The following TNRC18 variants were observed in gnomAD, a reference collection of about 807,000 sequenced individuals.
TNRC18 encodes the protein trinucleotide repeat containing 18.
Under a neutral mutation model 226.7 loss-of-function variants are expected in TNRC18, and 69 were observed. That is an observed-to-expected ratio of 0.30 (90% CI 0.25 to 0.37). TNRC18 has a LOEUF of 0.37. Ranked by LOEUF, TNRC18 falls within the 10% of genes least tolerant of loss-of-function variation. TNRC18 has a pLI of 1.00. For synonymous variants in TNRC18, 2,449 were observed against 1,927.6 expected (o/e 1.27, Z -7.09); for missense variants, 4,754 against 4,256.6 (o/e 1.12, Z -3.25).
chr7:5,389,309 G>C lies in TNRC18; in HGVS notation c.515C>G (p.Ala172Gly). The change falls in exon 5 of 30, where the codon GCT becomes GGT. Residue 172 changes from alanine (A) to glycine (G), a missense_variant. By Grantham distance (60) the Ala-to-Gly change is moderately conservative. Coordinates refer to ENST00000430969, the MANE Select transcript of TNRC18 (RefSeq NM_001080495.3). ...CGCGTGAGAGTGCAGGGAGCCCGGA[G>C]CCCCCGCGGTGGGCAGGTAGAAACC... is the stretch of plus-strand genomic sequence containing the variant. ...GDGFYLPTAG[A>G]PGSLHSHAPS... The C allele has an allele frequency of 7.8e-7, 1 of 1,282,246 alleles. No homozygotes were observed. Among genetic ancestry groups the C allele is most frequent in the South Asian group, 2.7e-5 (1 of 37,628 alleles). The allele number at this position is 1,282,246 out of a possible 1,614,324, so 79.4% of individuals were successfully genotyped here.
At chr7:5,352,819 A>C (rs1791965056) in intron 16 of TNRC18, among the ~76,000 whole-genome samples, 1 of 152,232 alleles carries the variant, frequency 6.6e-6, no homozygotes, top group African/African-American at 2.4e-5. Context: ...CGCCATGCTC[A>C]CGCCATTTTG....
intron 18 of TNRC18, among the ~76,000 whole-genome samples, chr7:5,337,809 C>A (rs1323913260): frequency 6.6e-6 from 1 of 151,900 alleles, no homozygotes; most frequent in Non-Finnish European, 1.5e-5. Context: ...ATGGTGAAAC[C>A]CCATCTCTAC....
chr7:5,394,601 G>T lies in TNRC18; in HGVS notation c.188-6C>A. On this transcript the variant is annotated splice_polypyrimidine_tract_variant and splice_region_variant and intron_variant, in intron 2 of 29. Coordinates refer to ENST00000430969, the MANE Select transcript of TNRC18 (RefSeq NM_001080495.3). This position sits in a 1 kb window ranked among gnomAD's most constrained non-coding sequence, Gnocchi z 4.5. ...GCTGCCCAAGAAGGCCTCGCCTGCA[G>T]AGAGAAGTTGGGAGGACCGTCAGGC... The T allele has an allele frequency of 1.3e-6, 2 of 1,542,736 alleles. No individual in the cohort carries two copies. Among genetic ancestry groups the T allele is most frequent in the Non-Finnish European group, 1.7e-6 (2 of 1,144,670 alleles).
At chr7:5,407,093 C>CA (rs1269635566) in intron 2 of TNRC18, 1 of 152,236 alleles carries the variant, frequency 6.6e-6, no homozygotes, top group African/African-American at 2.4e-5. Context: ...ACGTCTGGGG[C>CA]ACCCCCACAC....
intron 2 of TNRC18, among the ~76,000 whole-genome samples, chr7:5,413,679 C>T (rs929954587): frequency 6.6e-6 from 1 of 151,914 alleles, no homozygotes; most frequent in Non-Finnish European, 1.5e-5. Flanking sequence ...TACAGGCATT[C>T]GCCACCATGC....
chr7:5,353,259 G>A (rs1018230403), intron 16 of TNRC18, among the ~76,000 whole-genome samples: 25 of 152,304 alleles, frequency 1.6e-4, no homozygotes, highest in Admixed American at 9.8e-4. Flanking sequence ...CAGGGAGGTC[G>A]GGTGCAATGG....
At position 5,394,642 on chromosome 7, in the gene TNRC18, C is replaced by G. The variant is rs943151715; in HGVS notation, c.188-47G>C. 3 of 1,470,800 alleles carry G rather than the reference C, an allele frequency of 2.0e-6. No homozygotes were observed. The highest frequency in any genetic ancestry group is 2.8e-6 in the Non-Finnish European group (3 of 1,090,828). 91.1% of individuals were successfully genotyped at this position (1,470,800 alleles called of 1,614,324 possible). A position where few individuals can be genotyped will look rare whatever the true frequency, so the allele number is the denominator to read the frequency against. ...ACCGTCAGGCAGACAACCAGGGAGGCGCCGCCGCCCCAGCCCACCGCCCCG... is the reference window on the plus strand; with the variant it reads ...ACCGTCAGGCAGACAACCAGGGAGGGGCCGCCGCCCCAGCCCACCGCCCCG... On this transcript the variant is annotated intron_variant, in intron 2 of 29. Coordinates refer to ENST00000430969, the MANE Select transcript of TNRC18 (RefSeq NM_001080495.3). The surrounding 1 kb of genome is among the most constrained non-coding windows in gnomAD (Gnocchi z 4.5).
chr7:5,392,945 G>A (rs1780406183), intron 3 of TNRC18, among the ~76,000 whole-genome samples: 1 of 152,124 alleles, frequency 6.6e-6, no homozygotes, highest in South Asian at 2.1e-4. Context: ...CTGGGAGGCG[G>A]AGGTTGCAGT....
intron 5 of TNRC18, among the ~76,000 whole-genome samples, chr7:5,380,246 G>C (rs764900152): frequency 2.0e-5 from 3 of 152,206 alleles, no homozygotes; most frequent in Non-Finnish European, 2.9e-5. Context: ...AGGAGTTTGA[G>C]ACCAATCTGG....
At chr7:5,396,171 A>C (rs1261161682) in intron 2 of TNRC18, among the ~76,000 whole-genome samples, 7 of 86,094 alleles carry the variant, frequency 8.1e-5, no homozygotes, top group Admixed American at 1.2e-4. Flanking sequence ...ACTCTGTCTC[A>C]AAAAAAAAAA....
intron 2 of TNRC18, among the ~76,000 whole-genome samples, chr7:5,414,363 G>C (rs1296688046): frequency 6.6e-6 from 1 of 151,342 alleles, no homozygotes; most frequent in Admixed American, 6.6e-5. Flanking sequence ...ACCATTCCGA[G>C]GACAAGTTGT....
Position 5,388,577 on chromosome 7 carries a change from G to C in TNRC18, c.1247C>G (p.Ser416Cys). Residue 416 changes from serine to cysteine, a missense_variant, in exon 5 of 30, where the codon TCC becomes TGC. Coordinates refer to ENST00000430969, the MANE Select transcript of TNRC18 (RefSeq NM_001080495.3). ...CTCGGGCCGGTCCAGAGGCCGCGGG[G>C]AGCCGGGGGGCGCCTGCAGGACCCC... is the stretch of plus-strand genomic sequence containing the variant. ...RPGVLQAPPG[S>C]PRPLDRPEGL... is the part of the protein sequence containing the mutation. The C allele has an allele frequency of 7.7e-7, 1 of 1,300,798 alleles. No individual in the cohort carries two copies. 80.6% of individuals were successfully genotyped at this position (1,300,798 alleles called of 1,614,324 possible).
At chr7:5,354,851 C>T (rs1274617624) in intron 16 of TNRC18, among the ~76,000 whole-genome samples, 22 of 152,142 alleles carry the variant, frequency 1.4e-4, no homozygotes, top group Non-Finnish European at 1.5e-5. Flanking sequence ...AAGCAGGTGA[C>T]GATATCTTAA....
intron 2 of TNRC18, among the ~76,000 whole-genome samples, chr7:5,416,015 T>G (rs1347117965): frequency 6.7e-6 from 1 of 148,862 alleles, no homozygotes; most frequent in Non-Finnish European, 1.5e-5. Context: ...TCGGGGAGGC[T>G]GAAGCAGAAT....
At chr7:5,399,663 G>A (rs941620881) in intron 2 of TNRC18, among the ~76,000 whole-genome samples, 1 of 151,656 alleles carries the variant, frequency 6.6e-6, no homozygotes, top group Non-Finnish European at 1.5e-5. Context: ...CCAAGATCGC[G>A]CCACTGCACT....
chr7:5,361,788 C>T (rs116165209), intron 13 of TNRC18, 66 bp from the exon 14 acceptor site: 21 of 1,536,528 alleles, frequency 1.4e-5, no homozygotes, highest in African/African-American at 6.9e-5. Context: ...AACGGGCACA[C>T]GATGCACACA....
At chr7:5,401,871 G>A (rs532614413) in intron 2 of TNRC18, among the ~76,000 whole-genome samples, 7 of 152,144 alleles carry the variant, frequency 4.6e-5, no homozygotes, top group Non-Finnish European at 7.4e-5. Flanking sequence ...GAGGACCGCC[G>A]GGAGCTTAAG....
At position 5,324,996 on chromosome 7, in the gene TNRC18, G is replaced by A; in HGVS notation, c.6300+100C>T. 1 of 1,381,936 alleles carries A rather than the reference G, an allele frequency of 7.2e-7. No homozygotes were observed. The highest frequency in any genetic ancestry group is 2.7e-5 in the Admixed American group (1 of 37,622). The allele number at this position is 1,381,936 out of a possible 1,614,324, so 85.6% of individuals were successfully genotyped here. A position where few individuals can be genotyped will look rare whatever the true frequency, so the allele number is the denominator to read the frequency against. On this transcript the variant is annotated intron_variant, in intron 20 of 29. Transcript: ENST00000430969. The surrounding 1 kb of genome is among the most constrained non-coding windows in gnomAD (Gnocchi z 4.8). The stretch of plus-strand genomic sequence containing the variant: ...GCAACCTCTCTGAGCCACAGCTATA[G>A]GGAGGGTGAATACAGAGGAGCAGGT...
At chr7:5,404,348 G>T (rs1216391679) in intron 2 of TNRC18, among the ~76,000 whole-genome samples, 2 of 152,038 alleles carry the variant, frequency 1.3e-5, no homozygotes, top group Non-Finnish European at 2.9e-5. Flanking sequence ...TCCAGCCTGG[G>T]CGACAGAGCA....
Sources: allele counts gnomAD v4.1 joint callset (sites outside exome capture counted in the v4.1 genomes callset), GRCh38; gene constraint gnomAD v4.1.1; non-coding constraint Gnocchi (gnomAD v3.1); transcripts MANE v1.5; gene names NCBI Gene and HGNC (gene_info 2026-07-23, HGNC 2026-07-21).